Variants in HOXD1 observed in about 807,000 individuals in gnomAD.
HOXD1 encodes homeobox D1, also known as homeobox protein Hox-D1.
HOXD1 carries 17 observed loss-of-function variants against 19.9 expected under a neutral mutation model. The ratio of observed to expected loss-of-function variants is 0.85; its 90% CI spans 0.58 to 1.28. HOXD1 has a LOEUF of 1.28. Among genes scored for constraint, HOXD1 ranks in the 50% most tolerant of loss-of-function variants. The pLI is 0.00. For missense variants in HOXD1, 500 were observed against 460.1 expected (o/e 1.09, Z -0.79); for synonymous variants, 239 against 216.0 (o/e 1.11, Z -0.93).
rs749846244 is a variant in HOXD1, at chr2:176,190,048, C to CGAA, written c.893_894insGAA (p.Pro298_Val299insAsn). On this transcript the variant is annotated inframe_insertion, in exon 2 of 2. Coordinates refer to ENST00000331462, the MANE Select transcript of HOXD1 (RefSeq NM_024501.3). ...GAAGGGCTTCTGGCCACGGCCATTC[C>CGAA]TGTGGCTCCCCTCCAACTTCCCCTC... The CGAA allele has an allele frequency of 1.2e-6, 2 of 1,613,920 alleles. No individual in the cohort carries two copies. The highest frequency in any genetic ancestry group is 2.7e-5 in the African/African-American group (2 of 74,928).
At position 176,190,365 on chromosome 2, in the gene HOXD1, T is replaced by G. The variant is rs6725515; in HGVS notation, c.*223T>G. The G allele has an allele frequency of 3.7e-3, 1,986 of 535,004 alleles. 39 individuals carry two copies. Among genetic ancestry groups the G allele is most frequent in the African/African-American group, 0.034 (1,816 of 52,756 alleles). 33.1% of individuals were successfully genotyped at this position (535,004 alleles called of 1,614,324 possible). Reference sequence around the variant, plus strand: ...GCCACTTGTTTGGTTATGATTTGTGTCTTATCAGGGAAAAGGTGCCCAGCT... The same window carrying G: ...GCCACTTGTTTGGTTATGATTTGTGGCTTATCAGGGAAAAGGTGCCCAGCT... On this transcript the variant is annotated 3_prime_UTR_variant, in exon 2 of 2. Transcript: ENST00000331462.
chr2:176,188,952 G>A lies in HOXD1; in HGVS notation c.151G>A (p.Val51Ile). The change falls in exon 1 of 2, where the codon GTC (valine) becomes ATC (isoleucine). Residue 51 changes from valine (V) to isoleucine (I), a missense_variant. By Grantham distance (29) the Val-to-Ile change is conservative. Coordinates refer to ENST00000331462, the MANE Select transcript of HOXD1 (RefSeq NM_024501.3). ...TCTGGGCAACGGCGACGGCGCCTTC[G>A]TCAGCTGTCTGCCCCTGGCCGCCGC... ...FPLGNGDGAF[V>I]SCLPLAAARP... 6.5e-7 allele frequency: 1 copy of A among 1,538,246 alleles called. No homozygotes were observed. The highest frequency in any genetic ancestry group is 1.2e-5 in the South Asian group (1 of 83,914).
rs1268578454 is a variant in HOXD1 at position 176,189,067 on chromosome 2, G to C, written c.266G>C (p.Gly89Ala). The change falls in exon 1 of 2, where the codon GGG becomes GCG. Residue 89 changes from glycine to alanine, a missense_variant. Transcript: ENST00000331462. ...APQYAQCTLE[G>A]AYEPGAAPAA... Reference sequence around the variant, plus strand: ...CAGTACGCGCAGTGCACCCTGGAGGGGGCCTACGAACCTGGTGCCGCACCT... The same window carrying C: ...CAGTACGCGCAGTGCACCCTGGAGGCGGCCTACGAACCTGGTGCCGCACCT... 2.1e-5 allele frequency: 31 copies of C among 1,480,580 alleles called. No homozygotes were observed. The highest frequency in any genetic ancestry group is 2.7e-6 in the Non-Finnish European group (3 of 1,125,276). The allele number at this position is 1,480,580 out of a possible 1,614,324, so 91.7% of individuals were successfully genotyped here.
Position 176,189,446 on chromosome 2 carries a change from TAAGA to T in HOXD1, c.649_652del (p.Lys217AlafsTer24), listed in dbSNP as rs758361361. 1 of 1,611,892 alleles carries T rather than the reference TAAGA, an allele frequency of 6.2e-7. No individual in the cohort carries two copies. Among genetic ancestry groups the T allele is most frequent in the South Asian group, 1.1e-5 (1 of 91,038 alleles). On this transcript the variant is annotated frameshift_variant, in exon 1 of 2. Transcript: ENST00000331462. LOFTEE classifies it high-confidence loss of function. ...GGATGAAAGTGAAGAGGAATGCCTCTAAGAAAGGTAAGTCCGCGGGCCTTGGATG... is the reference window on the plus strand; with the variant it reads ...GGATGAAAGTGAAGAGGAATGCCTCTAAGGTAAGTCCGCGGGCCTTGGATG...
In HOXD1 at chr2:176,188,766, C is replaced by T; in HGVS notation, c.-36C>T. The T allele has an allele frequency of 6.3e-7, 1 of 1,595,480 alleles. No homozygotes were observed. Among genetic ancestry groups the T allele is most frequent in the Non-Finnish European group, 8.5e-7 (1 of 1,171,376 alleles). ...CCTCTGCCCGGCTCCGTACTCCGGC[C>T]CCGGCCTGCGCCCTCAGAAAGGTGG... On this transcript the variant is annotated 5_prime_UTR_variant, in exon 1 of 2. Transcript: ENST00000331462.
chr2:176,189,326 T>C lies in HOXD1; in HGVS notation c.525T>C (p.Pro175=), dbSNP rs13390503. ...TCAAAGCGTCAGCCGACGGCCACCCTGGTGCTTTCCAGACCGCATCCCCGG... is the reference window on the plus strand; with the variant it reads ...TCAAAGCGTCAGCCGACGGCCACCCCGGTGCTTTCCAGACCGCATCCCCGG... ...ACLKASADGH[P]GAFQTASPAP... is the part of the protein sequence containing the mutation. The change falls in exon 1 of 2, where the codon CCT becomes CCC. Residue 175 remains proline (P), a synonymous_variant. Coordinates refer to ENST00000331462, the MANE Select transcript of HOXD1 (RefSeq NM_024501.3). The C allele has an allele frequency of 2.1e-4, 340 of 1,612,424 alleles. 1 individual carries two copies. The African/African-American group carries it at 4.1e-3, about 19-fold the overall frequency.
Position 176,188,806 on chromosome 2 carries a change from G to T in HOXD1, c.5G>T (p.Ser2Ile). The change falls in exon 1 of 2, where the codon AGC becomes ATC. Residue 2 changes from serine (S) to isoleucine (I), a missense_variant. Coordinates refer to ENST00000331462, the MANE Select transcript of HOXD1 (RefSeq NM_024501.3). Reference protein sequence around the residue: MSSYLEYVSCSS... With the variant: MISYLEYVSCSS... ...CAGAAAGGTGGGGCCCGAACCATGAGCTCCTACCTGGAGTACGTGTCATGC... is the reference window on the plus strand; with the variant it reads ...CAGAAAGGTGGGGCCCGAACCATGATCTCCTACCTGGAGTACGTGTCATGC... The T allele has an allele frequency of 1.9e-6, 3 of 1,608,250 alleles. No homozygotes were observed. The highest frequency in any genetic ancestry group is 1.7e-5 in the Admixed American group (1 of 59,700).
chr2:176,189,601 G>C (rs1691749926), intron 1 of HOXD1, 148 bp downstream of exon 1: 1 of 1,566,266 alleles, frequency 6.4e-7, no homozygotes, highest in African/African-American at 1.4e-5. Flanking sequence ...ATTCCATGGA[G>C]TCTGCCTCGA....
At position 176,190,656 on chromosome 2, in the gene HOXD1, A is replaced by G. The variant is rs1227235390; in HGVS notation, c.*514A>G. ...TGCACTCCAGTTTTTTTTTCTTTAA[A>G]AAAGCGGTTTCTACCTCTCTATGTG... is the stretch of plus-strand genomic sequence containing the variant. On this transcript the variant is annotated 3_prime_UTR_variant, in exon 2 of 2. Coordinates refer to ENST00000331462, the MANE Select transcript of HOXD1 (RefSeq NM_024501.3). 2.0e-5 allele frequency: 3 copies of G among 153,180 alleles called. No individual in the cohort carries two copies. The East Asian group carries it at 5.8e-4, about 29-fold the overall frequency. 9.5% of individuals were successfully genotyped at this position (153,180 alleles called of 1,614,324 possible).
chr2:176,189,818 C>T lies in HOXD1; in HGVS notation c.663C>T (p.Ala221=). ...KRNASKKGKL[A]EYGAASPSSA... ...GTCTTTACGTTGCAGGCAAACTCGC[C>T]GAGTATGGGGCCGCTAGCCCCTCCA... is the stretch of plus-strand genomic sequence containing the variant. Residue 221 remains alanine, a synonymous_variant, in exon 2 of 2, where the codon GCC becomes GCT. Transcript: ENST00000331462. 1 of 1,613,458 alleles carries T rather than the reference C, an allele frequency of 6.2e-7. No individual in the cohort carries two copies. The highest frequency in any genetic ancestry group is 1.1e-5 in the South Asian group (1 of 91,062).
At position 176,189,416 on chromosome 2, in the gene HOXD1, C is replaced by G; in HGVS notation, c.615C>G (p.Phe205Leu). The change falls in exon 1 of 2, where the codon TTC (phenylalanine) becomes TTG (leucine). Residue 205 changes from phenylalanine to leucine, a missense_variant. Coordinates refer to ENST00000331462, the MANE Select transcript of HOXD1 (RefSeq NM_024501.3). ...ASGLPAAFST[F>L]EWMKVKRNAS... is the part of the protein sequence containing the mutation. Reference sequence around the variant, plus strand: ...GCCTCCCTGCCGCCTTCAGCACGTTCGAGTGGATGAAAGTGAAGAGGAATG... The same window carrying G: ...GCCTCCCTGCCGCCTTCAGCACGTTGGAGTGGATGAAAGTGAAGAGGAATG... The G allele has an allele frequency of 3.7e-6, 6 of 1,612,990 alleles. No individual in the cohort carries two copies. Among genetic ancestry groups the G allele is most frequent in the Non-Finnish European group, 5.1e-6 (6 of 1,179,904 alleles).
chr2:176,189,517 G>A (rs767374189), intron 1 of HOXD1, 64 bp downstream of exon 1: 3 of 1,611,706 alleles, frequency 1.9e-6, no homozygotes, highest in South Asian at 2.2e-5. Context: ...CCGCGGAAAT[G>A]CGCTGGGAGC....
At chr2:176,189,758 A>G (rs759685481) in intron 1 of HOXD1, 50 bp from the exon 2 acceptor site, 61 of 1,611,216 alleles carry the variant, frequency 3.8e-5, no homozygotes, top group Non-Finnish European at 4.8e-5. Context: ...GCTCACCCAC[A>G]TTCTGTCCCC....
At chr2:176,189,588 C>T in intron 1 of HOXD1, 135 bp downstream of exon 1, 1 of 1,570,734 alleles carries the variant, frequency 6.4e-7, no homozygotes, top group Non-Finnish European at 8.6e-7. Context: ...CGTTCCCGGG[C>T]GAATTCCATG....
chr2:176,189,836 C>G lies in HOXD1; in HGVS notation c.681C>G (p.Ser227Arg). ...KGKLAEYGAA[S>R]PSSAIRTNFS... ...AACTCGCCGAGTATGGGGCCGCTAG[C>G]CCCTCCAGCGCGATCCGCACGAATT... The change falls in exon 2 of 2, where the codon AGC (serine) becomes AGG (arginine). Residue 227 changes from serine to arginine, a missense_variant. Transcript: ENST00000331462. 6.2e-7 allele frequency: 1 copy of G among 1,614,076 alleles called. No individual in the cohort carries two copies. The highest frequency in any genetic ancestry group is 8.5e-7 in the Non-Finnish European group (1 of 1,179,954).
At position 176,188,669 on chromosome 2, in the gene HOXD1, C is replaced by G. The variant is rs1391987666; in HGVS notation, c.-133C>G. The G allele has an allele frequency of 4.2e-6, 4 of 942,702 alleles. No individual in the cohort carries two copies. The highest frequency in any genetic ancestry group is 4.9e-6 in the Non-Finnish European group (3 of 611,272). 58.4% of individuals were successfully genotyped at this position (942,702 alleles called of 1,614,324 possible). Reference sequence around the variant, plus strand: ...CCACTATTTACCTCCGGCTCACTCGCCATGGGTTGGAGAGGGCAGCTCGGG... The same window carrying G: ...CCACTATTTACCTCCGGCTCACTCGGCATGGGTTGGAGAGGGCAGCTCGGG... On this transcript the variant is annotated 5_prime_UTR_variant, in exon 1 of 2. Coordinates refer to ENST00000331462, the MANE Select transcript of HOXD1 (RefSeq NM_024501.3).
In HOXD1 at chr2:176,189,096, G is replaced by C. The variant is rs1320079101; in HGVS notation, c.295G>C (p.Ala99Pro). The change falls in exon 1 of 2, where the codon GCG (alanine) becomes CCG (proline). Residue 99 changes from alanine (A) to proline (P), a missense_variant. Ala to Pro is a conservative substitution (Grantham distance 27, BLOSUM62 -1). Coordinates refer to ENST00000331462, the MANE Select transcript of HOXD1 (RefSeq NM_024501.3). ...GAYEPGAAPA[A>P]AAGGADYGFL... ...CTACGAACCTGGTGCCGCACCTGCC[G>C]CGGCAGCTGGGGGCGCGGACTACGG... 5.3e-6 allele frequency: 8 copies of C among 1,517,836 alleles called. No homozygotes were observed. The highest frequency in any genetic ancestry group is 2.1e-5 in the Admixed American group (1 of 48,250). 94.0% of individuals were successfully genotyped at this position (1,517,836 alleles called of 1,614,324 possible).
Position 176,190,294 on chromosome 2 carries a change from C to T in HOXD1, c.*152C>T. 1 of 612,584 alleles carries T rather than the reference C, an allele frequency of 1.6e-6. No individual in the cohort carries two copies. The highest frequency in any genetic ancestry group is 2.9e-6 in the Non-Finnish European group (1 of 341,580). 37.9% of individuals were successfully genotyped at this position (612,584 alleles called of 1,614,324 possible). A position where few individuals can be genotyped will look rare whatever the true frequency, so the allele number is the denominator to read the frequency against. On this transcript the variant is annotated 3_prime_UTR_variant, in exon 2 of 2. Coordinates refer to ENST00000331462, the MANE Select transcript of HOXD1 (RefSeq NM_024501.3). ...GGAAATGAAGTACTTTAGTTGGCTT[C>T]CGAGTTCCAGACTATATGTCCAGAT...
In HOXD1 at chr2:176,189,872, G is replaced by C. The variant is rs1691757800; in HGVS notation, c.717G>C (p.Lys239Asn). The C allele has an allele frequency of 6.2e-7, 1 of 1,614,078 alleles. No individual in the cohort carries two copies. Among genetic ancestry groups the C allele is most frequent in the African/African-American group, 1.3e-5 (1 of 74,928 alleles). The stretch of plus-strand genomic sequence containing the variant: ...CGATCCGCACGAATTTCAGCACCAA[G>C]CAACTGACAGAACTGGAAAAAGAGT... ...SSAIRTNFST[K>N]QLTELEKEFH... The change falls in exon 2 of 2, where the codon AAG (lysine) becomes AAC (asparagine). Residue 239 changes from lysine to asparagine, a missense_variant. Coordinates refer to ENST00000331462, the MANE Select transcript of HOXD1 (RefSeq NM_024501.3).
Sources: gnomAD v4.1 joint callset for allele counts on GRCh38, gnomAD v4.1.1 for gene constraint, MANE v1.5 for transcripts, NCBI Gene and HGNC (gene_info 2026-07-23, HGNC 2026-07-21) for gene names.